The following PBX3 variants were observed in gnomAD, a reference collection of about 807,000 sequenced individuals.
PBX3 encodes PBX homeobox 3, also known as pre-B-cell leukemia transcription factor 3.
A neutral mutation model predicts 48.5 loss-of-function variants in PBX3; 14 were observed. That is an observed-to-expected ratio of 0.29 (90% CI 0.19 to 0.45). PBX3 has a LOEUF of 0.45. PBX3 is among the 20% of genes least tolerant of loss of function. The pLI is 1.00. For missense variants in PBX3, 386 were observed against 546.7 expected, an observed-to-expected ratio of 0.71 and a Z score of 2.93; for synonymous variants, 210 against 200.3, an observed-to-expected ratio of 1.05 and a Z score of -0.41.
At chr9:125,941,685 T>G (rs1313717714) in intron 5 of PBX3, among the ~76,000 whole-genome samples, 8 of 152,224 alleles carry the variant, frequency 5.3e-5, no homozygotes, top group African/African-American at 1.7e-4. Flanking sequence ...AGTTCCTCTT[T>G]TACCTAACAC....
chr9:125,793,619 G>T (rs1291295688), intron 2 of PBX3, among the ~76,000 whole-genome samples: 1 of 151,364 alleles, frequency 6.6e-6, no homozygotes, highest in Admixed American at 6.6e-5. Flanking sequence ...TAGTAGAGAC[G>T]GGGTTTCACC....
intron 3 of PBX3, among the ~76,000 whole-genome samples, chr9:125,928,392 A>ATG (rs112869741): frequency 0.065 from 9,103 of 140,158 alleles, 271 homozygotes; most frequent in Non-Finnish European, 0.078. Context: ...GGGGAAACAA[A>ATG]TGTGTGTGTG....
chr9:125,757,640 T>A (rs1352582680), intron 2 of PBX3, among the ~76,000 whole-genome samples: 1 of 152,202 alleles, frequency 6.6e-6, no homozygotes, highest in Non-Finnish European at 1.5e-5. Context: ...TATAATAGAT[T>A]GTGCAGTGAT....
At chr9:125,762,226 C>T (rs1208213224) in intron 2 of PBX3, among the ~76,000 whole-genome samples, 1 of 152,036 alleles carries the variant, frequency 6.6e-6, no homozygotes, top group African/African-American at 2.4e-5. Context: ...AAGCTGAGTA[C>T]AATCATGACT....
At chr9:125,932,137 A>C (rs964605259) in intron 4 of PBX3, among the ~76,000 whole-genome samples, 1 of 152,122 alleles carries the variant, frequency 6.6e-6, no homozygotes, top group African/African-American at 2.4e-5. Flanking sequence ...CTGTCTCTCT[A>C]AGCTGGTTAC....
At chr9:125,793,366 A>AAAATATATATATAT (rs59271982) in intron 2 of PBX3, among the ~76,000 whole-genome samples, 11 of 101,976 alleles carry the variant, frequency 1.1e-4, no homozygotes, top group African/African-American at 4.2e-4. Context: ...GGAAAAAAAA[A>AAAATATATATATAT]ATATATATAT....
chr9:125,830,280 A>T (rs1011814723), intron 2 of PBX3, among the ~76,000 whole-genome samples: 15 of 152,116 alleles, frequency 9.9e-5, no homozygotes, highest in African/African-American at 3.6e-4. Context: ...AATCTATTTT[A>T]TTGTTCATGT....
chr9:125,889,749 C>CGCCGCGGCGGGGAGCGGGGCCGG (rs1040759260), intron 2 of PBX3, among the ~76,000 whole-genome samples: 2 of 150,760 alleles, frequency 1.3e-5, no homozygotes, highest in South Asian at 4.1e-4. Context: ...GGCGGGGGCG[C>CGCCGCGGCGGGGAGCGGGGCCGG]GCCGCGGCGG....
intron 2 of PBX3, among the ~76,000 whole-genome samples, chr9:125,824,264 C>T (rs1438816770): frequency 6.6e-6 from 1 of 152,050 alleles, no homozygotes; most frequent in African/African-American, 2.4e-5. Context: ...GCTACGTAAC[C>T]ACTAGAGTGA....
Position 125,759,708 on chromosome 9 carries a change from G to A in PBX3, c.274+11085G>A, listed in dbSNP as rs532522440. On this transcript the variant is annotated intron_variant, in intron 2 of 8. Transcript: ENST00000373489. This position sits in a 1 kb window ranked among gnomAD's most constrained non-coding sequence, Gnocchi z 4.2. ...CAGTTTGTGGACCGCGTCTGTGAAC[G>A]CGGCTCATAATTGTTTTTCACACAT... Among the ~76,000 whole-genome samples the A allele has an allele frequency of 1.3e-5, 2 of 152,176 alleles. No homozygotes were observed. The highest frequency in any genetic ancestry group is 2.4e-5 in the African/African-American group (1 of 41,438).
At position 125,863,189 on chromosome 9, in the gene PBX3, T is replaced by C. The variant is rs530879732; in HGVS notation, c.275-52497T>C. 1.3e-4 allele frequency among the ~76,000 whole-genome samples: 20 copies of C among 151,626 alleles called. 1 individual carries two copies. The South Asian group carries it at 4.2e-3, about 31-fold the overall frequency. On this transcript the variant is annotated intron_variant, in intron 2 of 8. Coordinates refer to ENST00000373489, the MANE Select transcript of PBX3 (RefSeq NM_006195.6). ...CTGGAATTACAGGCATGAGCCACTG[T>C]GCCTGGCTGACACATGACATGATTT...
At chr9:125,845,152 C>CT (rs1839395478) in intron 2 of PBX3, among the ~76,000 whole-genome samples, 1 of 152,010 alleles carries the variant, frequency 6.6e-6, no homozygotes, top group Non-Finnish European at 1.5e-5. Flanking sequence ...GTACCTAAAT[C>CT]TTTCGGAAAA....
intron 2 of PBX3, among the ~76,000 whole-genome samples, chr9:125,802,831 AC>A (rs1158030376): frequency 6.6e-6 from 1 of 151,766 alleles, no homozygotes; most frequent in Non-Finnish European, 1.5e-5. Context: ...GGTGCATGCC[AC>A]CACACCCGGG....
intron 1 of PBX3, chr9:125,748,253 C>A: frequency 9.5e-7 from 1 of 1,050,882 alleles, no homozygotes; most frequent in Non-Finnish European, 1.1e-6. Flanking sequence ...TCCCCCGGGT[C>A]GCCTTCGCCT....
At position 125,759,024 on chromosome 9, in the gene PBX3, C is replaced by T. The variant is rs551278563; in HGVS notation, c.274+10401C>T. Among the ~76,000 whole-genome samples the T allele has an allele frequency of 8.5e-5, 13 of 152,238 alleles. No homozygotes were observed. Among genetic ancestry groups the T allele is most frequent in the Non-Finnish European group, 1.8e-4 (12 of 68,014 alleles). On this transcript the variant is annotated intron_variant, in intron 2 of 8. Coordinates refer to ENST00000373489, the MANE Select transcript of PBX3 (RefSeq NM_006195.6). This position sits in a 1 kb window ranked among gnomAD's most constrained non-coding sequence, Gnocchi z 4.2. ...ATCCCATAGTGAGTGACACCCCAGG[C>T]TGTCTTTGCTTCAGAGGTGGCAGCA... is the stretch of plus-strand genomic sequence containing the variant.
intron 2 of PBX3, among the ~76,000 whole-genome samples, chr9:125,779,097 G>T (rs1837161812): frequency 7.5e-6 from 1 of 132,820 alleles, no homozygotes; most frequent in African/African-American, 2.9e-5. Flanking sequence ...CCTAGCCCTT[G>T]GTAACCTCTA....
intron 4 of PBX3, among the ~76,000 whole-genome samples, chr9:125,930,181 G>A (rs1381478321): frequency 6.6e-6 from 1 of 152,170 alleles, no homozygotes; most frequent in African/African-American, 2.4e-5. Flanking sequence ...GGGGTATTTT[G>A]TAAGAATTTC....
intron 2 of PBX3, among the ~76,000 whole-genome samples, chr9:125,775,709 GT>G (rs1837054321): frequency 6.6e-6 from 1 of 152,148 alleles, no homozygotes. Flanking sequence ...TTTCAAGATT[GT>G]TTTGGATAGT....
Position 125,825,202 on chromosome 9 carries a change from T to C in PBX3, c.274+76579T>C, listed in dbSNP as rs373999791. 4.6e-5 allele frequency among the ~76,000 whole-genome samples: 7 copies of C among 152,228 alleles called. 1 individual carries two copies. The highest frequency in any genetic ancestry group is 3.9e-4 in the East Asian group (2 of 5,182). On this transcript the variant is annotated intron_variant, in intron 2 of 8. Transcript: ENST00000373489. ...AGGAGGCTGAGGTGGGAGGATAGCTTGAACCTGGGAGGTGGAGGTTGCAGT... is the reference window on the plus strand; with the variant it reads ...AGGAGGCTGAGGTGGGAGGATAGCTCGAACCTGGGAGGTGGAGGTTGCAGT...
Sources: allele counts gnomAD v4.1 joint callset (sites outside exome capture counted in the v4.1 genomes callset), GRCh38; gene constraint gnomAD v4.1.1; non-coding constraint Gnocchi (gnomAD v3.1); transcripts MANE v1.5; gene names NCBI Gene and HGNC (gene_info 2026-07-23, HGNC 2026-07-21).